SNTB1: variants seen among roughly 807,000 people sequenced by gnomAD.
SNTB1 encodes syntrophin beta 1, also known as beta-1-syntrophin.
SNTB1 carries 36 observed loss-of-function variants against 48.9 expected under a neutral mutation model. The observed-to-expected ratio is 0.74, with a 90% CI of 0.56 to 0.97. The LOEUF is 0.97. Among genes scored for constraint, SNTB1 ranks in the 50% least tolerant of loss-of-function variants. The probability of loss-of-function intolerance (pLI) is 0.00; values close to 1 mark genes in which losing one functional copy is unlikely to be tolerated. For missense variants in SNTB1, 786 were observed against 703.4 expected, an observed-to-expected ratio of 1.12 and a Z score of -1.33; for synonymous variants, 299 against 294.6, an observed-to-expected ratio of 1.01 and a Z score of -0.15.
chr8:120,539,953 A>G (rs1321185547), intron 6 of SNTB1, among the ~76,000 whole-genome samples: 1 of 152,238 alleles, frequency 6.6e-6, no homozygotes, highest in African/African-American at 2.4e-5. Context: ...TCTGAAATAT[A>G]GATCTTACAG....
chr8:120,766,675 C>G (rs1007429710), intron 1 of SNTB1, among the ~76,000 whole-genome samples: 1 of 152,080 alleles, frequency 6.6e-6, no homozygotes, highest in African/African-American at 2.4e-5. Context: ...AGATGTTAAC[C>G]TACAAAATAC....
chr8:120,707,965 CAT>C (rs1818406304), intron 1 of SNTB1, among the ~76,000 whole-genome samples: 1 of 151,934 alleles, frequency 6.6e-6, no homozygotes, highest in Non-Finnish European at 1.5e-5. Flanking sequence ...AAATATTCCA[CAT>C]GTGCCATAAG....
chr8:120,558,291 A>G (rs529461867), intron 4 of SNTB1, among the ~76,000 whole-genome samples: 94 of 152,334 alleles, frequency 6.2e-4, no homozygotes, highest in Non-Finnish European at 1.1e-3. Flanking sequence ...ATAGTAACCA[A>G]GAAAATGCTG....
chr8:120,723,915 C>T (rs1161011621), intron 1 of SNTB1, among the ~76,000 whole-genome samples: 1 of 152,166 alleles, frequency 6.6e-6, no homozygotes, highest in Non-Finnish European at 1.5e-5. Flanking sequence ...AGGCAGCAGA[C>T]ATTTGAACAG....
intron 4 of SNTB1, among the ~76,000 whole-genome samples, chr8:120,563,021 C>T (rs1445488991): frequency 6.6e-6 from 1 of 152,134 alleles, no homozygotes; most frequent in Admixed American, 6.5e-5. Flanking sequence ...TTCAATTCCC[C>T]TTTCAAGGCA....
At chr8:120,680,078 T>G (rs1458022857) in intron 2 of SNTB1, among the ~76,000 whole-genome samples, 2 of 152,168 alleles carry the variant, frequency 1.3e-5, no homozygotes, top group Non-Finnish European at 2.9e-5. Context: ...TGGCTAACAC[T>G]TACTTTATTA....
At chr8:120,553,976 G>T (rs985607450) in intron 4 of SNTB1, among the ~76,000 whole-genome samples, 12 of 151,976 alleles carry the variant, frequency 7.9e-5, no homozygotes, top group Admixed American at 2.0e-4. Flanking sequence ...CCAGCCTGGG[G>T]AACAGAGCGA....
intron 1 of SNTB1, among the ~76,000 whole-genome samples, chr8:120,782,965 T>C (rs184297630): frequency 1.3e-5 from 2 of 152,302 alleles, no homozygotes; most frequent in Admixed American, 1.3e-4. Context: ...AATATATCTC[T>C]TCACAGGAAG....
chr8:120,791,122 T>C (rs1305193119), intron 1 of SNTB1, among the ~76,000 whole-genome samples: 1 of 151,460 alleles, frequency 6.6e-6, no homozygotes, highest in African/African-American at 2.4e-5. Context: ...ACATAGACCA[T>C]TGGAACAGAC....
intron 3 of SNTB1, among the ~76,000 whole-genome samples, chr8:120,615,674 G>C (rs574146113): frequency 3.9e-5 from 6 of 152,316 alleles, no homozygotes; most frequent in African/African-American, 9.6e-5. Flanking sequence ...CTCAAGGTCA[G>C]AGCTGAAAGT....
At position 120,693,763 on chromosome 8, in the gene SNTB1, T is replaced by G; in HGVS notation, c.717A>C (p.Arg239Ser). 1 of 1,613,854 alleles carries G rather than the reference T, an allele frequency of 6.2e-7. No individual in the cohort carries two copies. The highest frequency in any genetic ancestry group is 8.5e-7 in the Non-Finnish European group (1 of 1,179,938). The change falls in exon 2 of 7, where the codon AGA (arginine) becomes AGC (serine). Residue 239 changes from arginine to serine, a missense_variant. Coordinates refer to ENST00000517992, the MANE Select transcript of SNTB1 (RefSeq NM_021021.4). ...PPSSQSFSFHRDRKSIPLKMC... is the reference protein window; with the variant it reads ...PPSSQSFSFHSDRKSIPLKMC... ...TTTTGAGGGGGATGCTTTTCCGGTC[T>G]CTGTGGAAGGAGAAGGACTGCGATG...
intron 3 of SNTB1, among the ~76,000 whole-genome samples, chr8:120,629,598 A>G (rs566578317): frequency 5.3e-5 from 8 of 152,366 alleles, no homozygotes; most frequent in African/African-American, 1.9e-4. Context: ...GCCATTCATT[A>G]TAACATTTTG....
At chr8:120,594,741 TG>T (rs1322321387) in intron 3 of SNTB1, among the ~76,000 whole-genome samples, 8 of 152,094 alleles carry the variant, frequency 5.3e-5, no homozygotes, top group Admixed American at 1.3e-4. Flanking sequence ...AGTTTCCTCG[TG>T]TGTTGTTTTA....
intron 3 of SNTB1, among the ~76,000 whole-genome samples, chr8:120,586,770 G>A (rs1816149915): frequency 6.6e-6 from 1 of 152,132 alleles, no homozygotes; most frequent in South Asian, 2.1e-4. Context: ...AATAACGTAT[G>A]GAGCGAAATG....
At chr8:120,616,687 C>G in intron 3 of SNTB1, among the ~76,000 whole-genome samples, 1 of 152,162 alleles carries the variant, frequency 6.6e-6, no homozygotes, top group Middle Eastern at 3.2e-3. Flanking sequence ...TAAAATTACA[C>G]AGCATGCAGC....
chr8:120,686,458 G>C (rs1818033901), intron 2 of SNTB1, among the ~76,000 whole-genome samples: 1 of 152,240 alleles, frequency 6.6e-6, no homozygotes. Context: ...GGGAAAACAG[G>C]CTCCCTTGAG....
chr8:120,718,428 A>G (rs1016093666), intron 1 of SNTB1, among the ~76,000 whole-genome samples: 1 of 152,256 alleles, frequency 6.6e-6, no homozygotes, highest in African/African-American at 2.4e-5. Flanking sequence ...GCTTCAGGCC[A>G]GGGCCACTTC....
intron 3 of SNTB1, among the ~76,000 whole-genome samples, chr8:120,602,772 T>A (rs1005192879): frequency 6.6e-6 from 1 of 151,162 alleles, no homozygotes. Flanking sequence ...TTGCAATCTA[T>A]TAAATTAATT....
intron 1 of SNTB1, among the ~76,000 whole-genome samples, chr8:120,750,464 ATTCTT>A (rs1369179384): frequency 6.6e-6 from 1 of 152,092 alleles, no homozygotes; most frequent in African/African-American, 2.4e-5. Flanking sequence ...AACACACAAA[ATTCTT>A]ATCATTCATC....
Sources: allele counts gnomAD v4.1 joint callset (sites outside exome capture counted in the v4.1 genomes callset), GRCh38; gene constraint gnomAD v4.1.1; transcripts MANE v1.5; gene names NCBI Gene and HGNC (gene_info 2026-07-23, HGNC 2026-07-21).